Variants in FAF1 observed in about 807,000 individuals in gnomAD.
The protein encoded by FAF1 is FAS-associated factor 1.
Under a neutral mutation model 92.5 loss-of-function variants are expected in FAF1, and 25 were observed. The observed-to-expected ratio is 0.27, with a 90% CI of 0.20 to 0.38. The LOEUF is 0.38. Among genes scored for constraint, FAF1 ranks in the 10% least tolerant of loss-of-function variants. FAF1 has a pLI of 1.00. For missense variants in FAF1, 636 were observed against 793.3 expected, an observed-to-expected ratio of 0.80 and a Z score of 2.38; for synonymous variants, 234 against 273.2, an observed-to-expected ratio of 0.86 and a Z score of 1.42.
chr1:50,706,911 T>C (rs1385924621), intron 6 of FAF1, among the ~76,000 whole-genome samples: 1 of 152,144 alleles, frequency 6.6e-6, no homozygotes, highest in African/African-American at 2.4e-5. Context: ...AAGATCAGAA[T>C]TAGACAGATA....
chr1:50,791,020 T>A (rs545440639), intron 3 of FAF1, among the ~76,000 whole-genome samples: 3 of 152,278 alleles, frequency 2.0e-5, no homozygotes, highest in Admixed American at 6.5e-5. Context: ...TCATTGTAAA[T>A]CATACTCCAA....
chr1:50,948,374 G>T (rs1645187015), intron 1 of FAF1, among the ~76,000 whole-genome samples: 1 of 152,192 alleles, frequency 6.6e-6, no homozygotes, highest in African/African-American at 2.4e-5. Flanking sequence ...GCATCCGCTA[G>T]CTTCTGGTGA....
intron 5 of FAF1, among the ~76,000 whole-genome samples, chr1:50,744,227 T>A (rs1379079013): frequency 6.6e-6 from 1 of 152,178 alleles, no homozygotes; most frequent in African/African-American, 2.4e-5. Context: ...GAAAACAACA[T>A]CCTTATTTAA....
At chr1:50,813,842 TA>T (rs1332265878) in intron 2 of FAF1, among the ~76,000 whole-genome samples, 1 of 152,108 alleles carries the variant, frequency 6.6e-6, no homozygotes, top group Admixed American at 6.6e-5. Flanking sequence ...ATTCCACTCT[TA>T]AGTATTTATC....
intron 8 of FAF1, among the ~76,000 whole-genome samples, chr1:50,636,103 A>C: frequency 6.6e-6 from 1 of 152,284 alleles, no homozygotes; most frequent in East Asian, 1.9e-4. Context: ...TTGTCTTCTC[A>C]GTTAAGGTCT....
At chr1:50,911,455 G>A (rs1437869085) in intron 1 of FAF1, among the ~76,000 whole-genome samples, 1 of 151,548 alleles carries the variant, frequency 6.6e-6, no homozygotes, top group Non-Finnish European at 1.5e-5. Flanking sequence ...CAGCACTCTG[G>A]GAGGCCAAGG....
At chr1:50,883,137 A>G (rs999571068) in intron 1 of FAF1, among the ~76,000 whole-genome samples, 3 of 152,094 alleles carry the variant, frequency 2.0e-5, no homozygotes, top group Non-Finnish European at 2.9e-5. Flanking sequence ...CTAGGATGCA[A>G]TTCAAATGCC....
rs79755378 is a variant in FAF1 at position 50,589,757 on chromosome 1, C to T, written c.841-4946G>A. ...CATACCAAGATATCATTGCCAAATC[C>T]AATGTCATAAAACTTTTGCCCTATG... On this transcript the variant is annotated intron_variant, in intron 9 of 18. Coordinates refer to ENST00000396153, the MANE Select transcript of FAF1 (RefSeq NM_007051.3). 2.7e-3 allele frequency among the ~76,000 whole-genome samples: 418 copies of T among 152,268 alleles called. 4 individuals are homozygous for T. Among genetic ancestry groups the T allele is most frequent in the African/African-American group, 9.5e-3 (396 of 41,540 alleles).
chr1:50,495,250 C>T (rs956558043), intron 15 of FAF1, among the ~76,000 whole-genome samples: 3 of 152,166 alleles, frequency 2.0e-5, no homozygotes, highest in Admixed American at 6.5e-5. Flanking sequence ...TCCACCTTCC[C>T]CCACACCCCA....
At chr1:50,765,874 T>G (rs1163339890) in intron 4 of FAF1, among the ~76,000 whole-genome samples, 1 of 152,194 alleles carries the variant, frequency 6.6e-6, no homozygotes, top group Non-Finnish European at 1.5e-5. Flanking sequence ...GTGGATGACC[T>G]GAGGTCAGGA....
chr1:50,517,774 T>C (rs1223912238), intron 15 of FAF1, among the ~76,000 whole-genome samples: 7 of 152,188 alleles, frequency 4.6e-5, no homozygotes, highest in African/African-American at 1.2e-4. Flanking sequence ...TGTGTTACAG[T>C]TTCCTTTTCT....
At chr1:50,727,132 A>C (rs1232853228) in intron 6 of FAF1, among the ~76,000 whole-genome samples, 1 of 152,256 alleles carries the variant, frequency 6.6e-6, no homozygotes, top group Non-Finnish European at 1.5e-5. Flanking sequence ...GTCCATCTTC[A>C]GTGAGGCCTT....
chr1:50,852,344 G>C (rs1045017678), intron 2 of FAF1, among the ~76,000 whole-genome samples: 1 of 152,118 alleles, frequency 6.6e-6, no homozygotes, highest in East Asian at 1.9e-4. Flanking sequence ...AGAAAGAACA[G>C]ACCTAAAAGT....
chr1:50,569,936 C>A (rs907550428), intron 12 of FAF1, among the ~76,000 whole-genome samples: 7 of 152,070 alleles, frequency 4.6e-5, no homozygotes, highest in African/African-American at 1.7e-4. Flanking sequence ...AAAACGGCAT[C>A]TCTTTGGCAA....
intron 1 of FAF1, among the ~76,000 whole-genome samples, chr1:50,954,436 G>A (rs1258778365): frequency 1.3e-5 from 2 of 152,012 alleles, no homozygotes; most frequent in Admixed American, 6.5e-5. Flanking sequence ...CAGCACTCTG[G>A]AGGCTGAGGT....
chr1:50,884,443 G>T (rs561166609), intron 1 of FAF1, among the ~76,000 whole-genome samples: 2 of 151,264 alleles, frequency 1.3e-5, no homozygotes, highest in Non-Finnish European at 2.9e-5. Flanking sequence ...CAGGAGAATC[G>T]CTTGAACCTG....
chr1:50,577,444 G>C (rs993557476), intron 12 of FAF1, among the ~76,000 whole-genome samples: 1 of 152,204 alleles, frequency 6.6e-6, no homozygotes, highest in African/African-American at 2.4e-5. Flanking sequence ...AGAATCGCTT[G>C]AACTCAGGAG....
At chr1:50,894,910 T>C (rs1229906167) in intron 1 of FAF1, among the ~76,000 whole-genome samples, 1 of 152,130 alleles carries the variant, frequency 6.6e-6, no homozygotes, top group Non-Finnish European at 1.5e-5. Context: ...GGGAAGTTTA[T>C]AGGTGTAAGC....
At chr1:50,744,549 T>A in intron 5 of FAF1, 135 bp downstream of exon 5, 2 of 628,514 alleles carry the variant, frequency 3.2e-6, no homozygotes, top group Non-Finnish European at 5.6e-6. Flanking sequence ...ACTTGCTGAT[T>A]CCTTAAACTA....
Sources: gnomAD v4.1 joint callset for allele counts (sites outside exome capture counted in the v4.1 genomes callset) on GRCh38, gnomAD v4.1.1 for gene constraint, MANE v1.5 for transcripts, NCBI Gene and HGNC (gene_info 2026-07-23, HGNC 2026-07-21) for gene names.